DAB1: variants seen among roughly 807,000 people sequenced by gnomAD.
DAB1 encodes disabled homolog 1.
DAB1 carries 15 observed loss-of-function variants against 64.6 expected under a neutral mutation model. The observed-to-expected ratio is 0.23, with a 90% CI of 0.16 to 0.36. The LOEUF (loss-of-function observed/expected upper bound fraction) is 0.36, where lower values mean the gene tolerates loss of function less well. Among genes scored for constraint, DAB1 ranks in the 10% least tolerant of loss-of-function variants. DAB1 has a pLI of 1.00. For synonymous variants in DAB1, 235 were observed against 251.9 expected (o/e 0.93, Z 0.64); for missense variants, 596 against 706.7 (o/e 0.84, Z 1.78).
chr1:58,157,017 C>T (rs1655262759), intron 4 of DAB1, among the ~76,000 whole-genome samples: 1 of 152,138 alleles, frequency 6.6e-6, no homozygotes, highest in Admixed American at 6.5e-5. Context: ...TCAAATAAAA[C>T]ACACATACAC....
At chr1:57,160,760 C>G (rs755481353) in intron 2 of DAB1, among the ~76,000 whole-genome samples, 1 of 152,198 alleles carries the variant, frequency 6.6e-6, no homozygotes, top group Non-Finnish European at 1.5e-5. Context: ...GAGCAAGTCA[C>G]TTCATCTCAC....
chr1:57,387,240 T>A (rs542665278), intron 1 of DAB1: 2 of 152,108 alleles, frequency 1.3e-5, no homozygotes, highest in Non-Finnish European at 2.9e-5. Flanking sequence ...AGGATTAAGA[T>A]GATGTGTACA....
intron 2 of DAB1, among the ~76,000 whole-genome samples, chr1:57,188,044 C>A (rs1663763799): frequency 6.6e-6 from 1 of 152,176 alleles, no homozygotes; most frequent in Non-Finnish European, 1.5e-5. Context: ...AGGAAAGATG[C>A]AACAAATGCT....
chr1:57,756,674 TAA>T (rs35807001), intron 6 of DAB1, among the ~76,000 whole-genome samples: 2 of 141,092 alleles, frequency 1.4e-5, no homozygotes, highest in Non-Finnish European at 1.6e-5. Context: ...CTGCAGGCAA[TAA>T]AAAAAAAAAA....
intron 5 of DAB1, among the ~76,000 whole-genome samples, chr1:58,044,320 G>T (rs1392484422): frequency 6.6e-6 from 1 of 152,052 alleles, no homozygotes; most frequent in African/African-American, 2.4e-5. Context: ...GGTGACCCTG[G>T]TCTCTGGGAT....
chr1:57,048,932 C>T (rs1472846882), intron 9 of DAB1, among the ~76,000 whole-genome samples: 1 of 152,190 alleles, frequency 6.6e-6, no homozygotes, highest in Non-Finnish European at 1.5e-5. Context: ...CCACTTATCC[C>T]TTTCCCGATT....
At chr1:57,707,132 A>G (rs1176738312) in intron 6 of DAB1, among the ~76,000 whole-genome samples, 2 of 152,042 alleles carry the variant, frequency 1.3e-5, no homozygotes, top group Non-Finnish European at 2.9e-5. Context: ...CTATCACTAC[A>G]AAGACCATCC....
At chr1:58,421,325 T>C (rs1303499893) in intron 3 of DAB1, among the ~76,000 whole-genome samples, 3 of 152,204 alleles carry the variant, frequency 2.0e-5, no homozygotes, top group African/African-American at 7.2e-5. Flanking sequence ...TTGTGATGAA[T>C]TTATTCTCAA....
At chr1:57,238,682 A>G (rs1668268264) in intron 2 of DAB1, among the ~76,000 whole-genome samples, 1 of 152,140 alleles carries the variant, frequency 6.6e-6, no homozygotes, top group Non-Finnish European at 1.5e-5. Flanking sequence ...CCTCCAGGGC[A>G]TCTGCACTTC....
chr1:57,485,846 T>TA (rs1644083863), intron 7 of DAB1, among the ~76,000 whole-genome samples: 1 of 152,298 alleles, frequency 6.6e-6, no homozygotes, highest in Admixed American at 6.5e-5. Context: ...AACTGTAAAC[T>TA]ATTGTGCACC....
chr1:57,773,574 G>A (rs552916528), intron 6 of DAB1, among the ~76,000 whole-genome samples: 11 of 151,898 alleles, frequency 7.2e-5, no homozygotes, highest in Admixed American at 3.9e-4. Flanking sequence ...TGAGAAATAC[G>A]TATCTACCCC....
rs34370854 is a variant in DAB1 at position 57,555,025 on chromosome 1, A to ATT, written n.625+94565_625+94566dup. On this transcript the variant is annotated intron_variant and non_coding_transcript_variant, in intron 7 of 20. Transcript: ENST00000485760. ...AGAGCTCTCAATCTTCGGTATCTCT[A>ATT]TTTTTTTTTTTTTTTTTTTTTTTTT... Among the ~76,000 whole-genome samples the ATT allele has an allele frequency of 4.1e-4, 28 of 68,492 alleles. 3 individuals are homozygous for ATT. Among genetic ancestry groups the ATT allele is most frequent in the African/African-American group, 1.3e-3 (24 of 17,870 alleles). 44.9% of individuals were successfully genotyped at this position (68,492 alleles called of 152,430 possible).
chr1:57,422,421 T>C (rs556451654), intron 1 of DAB1, among the ~76,000 whole-genome samples: 1 of 151,484 alleles, frequency 6.6e-6, no homozygotes, highest in African/African-American at 2.4e-5. Flanking sequence ...GCGCTCTCGC[T>C]ACCGCAAGCC....
upstream of DAB1, among the ~76,000 whole-genome samples, chr1:57,425,669 A>G (rs1265464559): frequency 1.3e-5 from 2 of 152,268 alleles, no homozygotes; most frequent in Non-Finnish European, 2.9e-5. Context: ...AGGTCATAGC[A>G]GGATGCAATC....
chr1:57,283,251 T>C (rs981302469), intron 2 of DAB1, among the ~76,000 whole-genome samples: 1 of 152,230 alleles, frequency 6.6e-6, no homozygotes, highest in Non-Finnish European at 1.5e-5. Context: ...TGGTCCATTT[T>C]CCTTTGTACT....
chr1:58,221,069 G>A (rs973583610), intron 4 of DAB1, among the ~76,000 whole-genome samples: 4 of 148,638 alleles, frequency 2.7e-5, no homozygotes, highest in African/African-American at 1.0e-4. Context: ...TGTTGTTGAT[G>A]GGTCTTTTAG....
intron 6 of DAB1, among the ~76,000 whole-genome samples, chr1:57,766,710 C>T (rs890011176): frequency 6.6e-6 from 1 of 151,590 alleles, no homozygotes; most frequent in Middle Eastern, 3.2e-3. Flanking sequence ...CTGACACTCA[C>T]TACCTGGAGT....
chr1:57,976,171 T>C (rs1645915058), intron 5 of DAB1, among the ~76,000 whole-genome samples: 1 of 152,078 alleles, frequency 6.6e-6, no homozygotes. Flanking sequence ...GCTTCTCTGG[T>C]TTTTCATTTC....
intron 4 of DAB1, among the ~76,000 whole-genome samples, chr1:57,072,881 T>A (rs1359518475): frequency 6.6e-6 from 1 of 152,228 alleles, no homozygotes; most frequent in Non-Finnish European, 1.5e-5. Context: ...GACAACACTT[T>A]TCCAGCTGAT....
Sources: gnomAD v4.1 joint callset for allele counts (sites outside exome capture counted in the v4.1 genomes callset) on GRCh38, gnomAD v4.1.1 for gene constraint, MANE v1.5 for transcripts, NCBI Gene and HGNC (gene_info 2026-07-23, HGNC 2026-07-21) for gene names.